Variants in VOPP1 observed in about 807,000 individuals in gnomAD.
VOPP1 encodes WW domain binding protein VOPP1.
A neutral mutation model predicts 23.5 loss-of-function variants in VOPP1; 8 were observed. The observed-to-expected ratio is 0.34, with a 90% CI of 0.20 to 0.61. VOPP1 has a LOEUF of 0.61. Among genes scored for constraint, VOPP1 ranks in the 20% least tolerant of loss-of-function variants. The pLI is 0.78. For synonymous variants in VOPP1, 83 were observed against 97.3 expected (o/e 0.85, Z 0.86); for missense variants, 174 against 238.1 (o/e 0.73, Z 1.77).
chr7:55,511,021 C>G (rs960039779), intron 2 of VOPP1, among the ~76,000 whole-genome samples: 2 of 152,170 alleles, frequency 1.3e-5, no homozygotes, highest in African/African-American at 4.8e-5. Flanking sequence ...TCTTCTACAC[C>G]AGACATGACC....
At chr7:55,564,243 G>GTCTCTCTCTGTCTCTC (rs1554302408) in intron 1 of VOPP1, among the ~76,000 whole-genome samples, 1 of 125,896 alleles carries the variant, frequency 7.9e-6, no homozygotes, top group Non-Finnish European at 1.6e-5. Flanking sequence ...CTCTGTCTCT[G>GTCTCTCTCTGTCTCTC]TCTCTCTCTC....
chr7:55,486,408 G>C (rs1220792495), intron 4 of VOPP1, among the ~76,000 whole-genome samples: 1 of 152,226 alleles, frequency 6.6e-6, no homozygotes, highest in Non-Finnish European at 1.5e-5. Flanking sequence ...TGCAAACTGG[G>C]CTGTGCAAAC....
At chr7:55,476,769 CA>C (rs892747678) in intron 4 of VOPP1, among the ~76,000 whole-genome samples, 1 of 152,200 alleles carries the variant, frequency 6.6e-6, no homozygotes, top group African/African-American at 2.4e-5. Context: ...CACAGGGCAC[CA>C]GGGGCAGAGC....
intron 1 of VOPP1, 117 bp from the exon 2 acceptor site, chr7:55,521,247 G>C (rs1795831819): frequency 9.6e-7 from 1 of 1,041,752 alleles, no homozygotes; most frequent in Admixed American, 2.4e-5. Context: ...TGAAAAGCTG[G>C]GATATCGGGG....
chr7:55,488,462 C>T (rs1338109115), intron 4 of VOPP1, among the ~76,000 whole-genome samples: 1 of 152,154 alleles, frequency 6.6e-6, no homozygotes, highest in Non-Finnish European at 1.5e-5. Flanking sequence ...TGAACCTCAG[C>T]CTCCTGCTGA....
intron 4 of VOPP1, among the ~76,000 whole-genome samples, chr7:55,459,779 G>A (rs1279294003): frequency 6.6e-6 from 1 of 151,820 alleles, no homozygotes; most frequent in Non-Finnish European, 1.5e-5. Flanking sequence ...GTCTAGCTAG[G>A]AGGTTTATCA....
chr7:55,462,800 C>T (rs998016604), intron 4 of VOPP1, among the ~76,000 whole-genome samples: 4 of 149,742 alleles, frequency 2.7e-5, no homozygotes, highest in South Asian at 2.1e-4. Context: ...GGACTACAGG[C>T]GCCCGCCACT....
intron 4 of VOPP1, among the ~76,000 whole-genome samples, chr7:55,481,220 C>T (rs893573740): frequency 2.0e-5 from 3 of 152,212 alleles, no homozygotes; most frequent in African/African-American, 7.2e-5. Flanking sequence ...TGAGTGGCAG[C>T]AGGGGAGTGA....
chr7:55,500,349 C>T (rs1329354170), intron 2 of VOPP1, among the ~76,000 whole-genome samples: 4 of 152,208 alleles, frequency 2.6e-5, no homozygotes, highest in Admixed American at 2.6e-4. Flanking sequence ...CGTGAGAGGG[C>T]CATGTAGCCA....
intron 2 of VOPP1, among the ~76,000 whole-genome samples, chr7:55,519,491 C>T (rs1795696810): frequency 6.6e-6 from 1 of 152,158 alleles, no homozygotes; most frequent in Non-Finnish European, 1.5e-5. Flanking sequence ...GAAAGGTCCA[C>T]ATTTGCGCAA....
chr7:55,476,345 G>A (rs1311217066), intron 4 of VOPP1, among the ~76,000 whole-genome samples: 2 of 151,660 alleles, frequency 1.3e-5, no homozygotes, highest in East Asian at 1.9e-4. Context: ...CCAGCCCCAC[G>A]GGTGCCAGGG....
At chr7:55,490,741 T>C (rs1793506453) in intron 4 of VOPP1, among the ~76,000 whole-genome samples, 1 of 152,234 alleles carries the variant, frequency 6.6e-6, no homozygotes, top group African/African-American at 2.4e-5. Context: ...GATTCAAATA[T>C]TTCCAAATAT....
chr7:55,527,082 A>C (rs1415417270), intron 1 of VOPP1: 1 of 152,258 alleles, frequency 6.6e-6, no homozygotes, highest in Non-Finnish European at 1.5e-5. Flanking sequence ...AGCAGAGGGC[A>C]GGGGGTAGCC....
rs550994247 is a variant in VOPP1 at position 55,524,685 on chromosome 7, T to TTG, written c.55-3557_55-3556dup. On this transcript the variant is annotated intron_variant, in intron 1 of 4. Transcript: ENST00000285279. ...GTTGAGGCTTTCCTTCAATAAATGC[T>TTG]TGCTAACTGAACACCAGGTGTCAGA... Among the ~76,000 whole-genome samples, 21 of 152,336 alleles carry TTG rather than the reference T, an allele frequency of 1.4e-4. No individual in the cohort carries two copies. In the South Asian group the frequency reaches 4.4e-3, roughly 32 times the overall value.
At chr7:55,512,282 T>C (rs1222849210) in intron 2 of VOPP1, among the ~76,000 whole-genome samples, 4 of 151,870 alleles carry the variant, frequency 2.6e-5, no homozygotes, top group Non-Finnish European at 5.9e-5. Flanking sequence ...AAAAATTAGC[T>C]AGGTGTCGTG....
Position 55,456,118 on chromosome 7 carries a change from C to A in VOPP1, n.418-19944G>T, listed in dbSNP as rs546062165. ...AAACAAATTTATAAGAAAAAAACAA[C>A]CCCATCAAAAAGTGGGCAAAGGATA... On this transcript the variant is annotated intron_variant and non_coding_transcript_variant, in intron 4 of 4. Coordinates refer to the VOPP1 transcript ENST00000462326. 8.5e-5 allele frequency among the ~76,000 whole-genome samples: 13 copies of A among 152,150 alleles called. No individual in the cohort carries two copies. In the South Asian group the frequency reaches 2.5e-3, roughly 29 times the overall value.
intron 1 of VOPP1, chr7:55,571,651 C>T (rs1455719933): frequency 3.9e-5 from 6 of 152,258 alleles, no homozygotes; most frequent in African/African-American, 1.4e-4. Context: ...AGTTCCCCGC[C>T]GGCTTCGGCT....
chr7:55,465,578 C>G (rs534243703), intron 4 of VOPP1, among the ~76,000 whole-genome samples: 88 of 152,244 alleles, frequency 5.8e-4, no homozygotes, highest in Non-Finnish European at 1.2e-3. Flanking sequence ...TCTTCTCCCA[C>G]TGTGCTTCAA....
At chr7:55,543,535 T>C (rs747552202) in intron 1 of VOPP1, among the ~76,000 whole-genome samples, 1 of 152,168 alleles carries the variant, frequency 6.6e-6, no homozygotes, top group Non-Finnish European at 1.5e-5. Flanking sequence ...CCACCACTAG[T>C]GTTTGAGAGG....
Sources: gnomAD v4.1 joint callset for allele counts (sites outside exome capture counted in the v4.1 genomes callset) on GRCh38, gnomAD v4.1.1 for gene constraint, MANE v1.5 for transcripts, NCBI Gene and HGNC (gene_info 2026-07-23, HGNC 2026-07-21) for gene names.